Variants in CPA6 observed in about 807,000 individuals in gnomAD.
The protein encoded by CPA6 is carboxypeptidase B.
In CPA6, 58 loss-of-function variants were observed where a neutral mutation model predicts 63.3. That is an observed-to-expected ratio of 0.92 (90% CI 0.74 to 1.14). The LOEUF is 1.14. CPA6 is among the 50% of genes most tolerant of loss of function. The pLI, the probability that CPA6 is intolerant of heterozygous loss-of-function variation, is 0.00. For missense variants in CPA6, 565 were observed against 526.6 expected (o/e 1.07, Z -0.71); for synonymous variants, 185 against 179.0 (o/e 1.03, Z -0.27).
chr8:67,704,589 G>A (rs540275048), intron 1 of CPA6, among the ~76,000 whole-genome samples: 1 of 152,142 alleles, frequency 6.6e-6, no homozygotes, highest in Non-Finnish European at 1.5e-5. Flanking sequence ...CAAGGTTAGG[G>A]GTACCTGGTA....
At chr8:67,453,087 TGAGGATGGA>T (rs1810590104) in intron 8 of CPA6, among the ~76,000 whole-genome samples, 1 of 152,110 alleles carries the variant, frequency 6.6e-6, no homozygotes, top group Admixed American at 6.6e-5. Flanking sequence ...TCATGGTGGC[TGAGGATGGA>T]GAGTGTGTGT....
chr8:67,574,797 G>GA (rs1176086118), intron 2 of CPA6, among the ~76,000 whole-genome samples: 1 of 149,546 alleles, frequency 6.7e-6, no homozygotes, highest in African/African-American at 2.4e-5. Context: ...AAACATAGGG[G>GA]AAAAAACTAC....
chr8:67,471,145 C>T (rs1339925477), intron 8 of CPA6, among the ~76,000 whole-genome samples: 1 of 152,184 alleles, frequency 6.6e-6, no homozygotes, highest in Non-Finnish European at 1.5e-5. Flanking sequence ...CCTGGCTCTT[C>T]CTGAAACCCA....
At chr8:67,470,761 A>T (rs539942922) in intron 8 of CPA6, among the ~76,000 whole-genome samples, 1 of 152,292 alleles carries the variant, frequency 6.6e-6, no homozygotes, top group African/African-American at 2.4e-5. Flanking sequence ...AATTCTTCAC[A>T]TAATAAAGGT....
chr8:67,651,652 T>C (rs1815840261), intron 1 of CPA6, among the ~76,000 whole-genome samples: 2 of 152,120 alleles, frequency 1.3e-5, no homozygotes, highest in South Asian at 4.1e-4. Flanking sequence ...CATTTCCTAT[T>C]CAAGGAACAT....
In CPA6 at chr8:67,422,290, T is replaced by C. The variant is rs1809780015; in HGVS notation, c.*214A>G. On this transcript the variant is annotated 3_prime_UTR_variant, in exon 11 of 11. Coordinates refer to ENST00000297770, the MANE Select transcript of CPA6 (RefSeq NM_020361.5). The stretch of plus-strand genomic sequence containing the variant: ...ATAATCAAATAAGACTCTAAAAGGA[T>C]AGAAAATGGATGCTTTTTCTTATAA... 1 of 428,176 alleles carries C rather than the reference T, an allele frequency of 2.3e-6. No homozygotes were observed. 26.5% of individuals were successfully genotyped at this position (428,176 alleles called of 1,614,324 possible).
At chr8:67,429,258 C>G (rs1157131153) in intron 9 of CPA6, among the ~76,000 whole-genome samples, 2 of 152,114 alleles carry the variant, frequency 1.3e-5, no homozygotes, top group South Asian at 4.1e-4. Flanking sequence ...GATATTCTAA[C>G]ATGAACTAGA....
chr8:67,459,833 T>C (rs1810759975), intron 8 of CPA6, among the ~76,000 whole-genome samples: 1 of 152,200 alleles, frequency 6.6e-6, no homozygotes, highest in Non-Finnish European at 1.5e-5. Context: ...CTATGAACTT[T>C]GGGTAATGAT....
chr8:67,553,588 C>T (rs9657088), intron 2 of CPA6, among the ~76,000 whole-genome samples: 63,676 of 151,952 alleles, frequency 0.42, 15,705 homozygotes, highest in Non-Finnish European at 0.55. Context: ...TTCCTCACAG[C>T]CACTTCAATA....
chr8:67,548,996 T>A (rs1812883316), intron 2 of CPA6, among the ~76,000 whole-genome samples: 1 of 151,998 alleles, frequency 6.6e-6, no homozygotes, highest in South Asian at 2.1e-4. Flanking sequence ...AATTTACAGC[T>A]GTCTGAAATT....
intron 2 of CPA6, among the ~76,000 whole-genome samples, chr8:67,549,885 C>T (rs991562923): frequency 6.6e-6 from 1 of 152,154 alleles, no homozygotes; most frequent in Non-Finnish European, 1.5e-5. Context: ...TCCATTATTC[C>T]ATCAATGGAC....
At chr8:67,607,072 GTCT>G (rs764912056) in intron 2 of CPA6, among the ~76,000 whole-genome samples, 93 of 149,900 alleles carry the variant, frequency 6.2e-4, no homozygotes, top group Non-Finnish European at 1.2e-3. Context: ...TCTCAAATCT[GTCT>G]TCTTCTTCTT....
intron 3 of CPA6, among the ~76,000 whole-genome samples, chr8:67,513,274 C>T (rs1812078421): frequency 6.6e-6 from 1 of 152,102 alleles, no homozygotes; most frequent in African/African-American, 2.4e-5. Flanking sequence ...TACAATATTG[C>T]TAAAGTAAGT....
chr8:67,499,255 C>T (rs1230065899), intron 6 of CPA6, among the ~76,000 whole-genome samples: 1 of 152,084 alleles, frequency 6.6e-6, no homozygotes, highest in African/African-American at 2.4e-5. Context: ...GCCAGAGCCC[C>T]CCTTGATACT....
intron 8 of CPA6, among the ~76,000 whole-genome samples, chr8:67,446,099 C>A (rs1193052758): frequency 6.6e-6 from 1 of 151,962 alleles, no homozygotes; most frequent in East Asian, 1.9e-4. Context: ...CCTGTCTCTA[C>A]TAAAAAAATA....
At chr8:67,466,979 T>C (rs1810941130) in intron 8 of CPA6, among the ~76,000 whole-genome samples, 1 of 152,218 alleles carries the variant, frequency 6.6e-6, no homozygotes, top group Non-Finnish European at 1.5e-5. Context: ...TTAGGCTCAA[T>C]AATATACATT....
Position 67,422,316 on chromosome 8 carries a change from C to T in CPA6, c.*188G>A. The stretch of plus-strand genomic sequence containing the variant: ...AGAAAATGGATGCTTTTTCTTATAA[C>T]AAACTAGGCTATGCCCTGTTTTTTA... On this transcript the variant is annotated 3_prime_UTR_variant, in exon 11 of 11. Transcript: ENST00000297770. 1 of 437,730 alleles carries T rather than the reference C, an allele frequency of 2.3e-6. No homozygotes were observed. The highest frequency in any genetic ancestry group is 3.2e-5 in the East Asian group (1 of 31,216). The allele number at this position is 437,730 out of a possible 1,614,324, so 27.1% of individuals were successfully genotyped here. A position where few individuals can be genotyped will look rare whatever the true frequency, so the allele number is the denominator to read the frequency against.
intron 1 of CPA6, among the ~76,000 whole-genome samples, chr8:67,704,303 C>T (rs7832883): frequency 0.028 from 4,207 of 152,254 alleles, 204 homozygotes; most frequent in African/African-American, 0.095. Context: ...GCGTCAAGAC[C>T]TTCAAGGTCA....
intron 9 of CPA6, among the ~76,000 whole-genome samples, chr8:67,430,732 T>C (rs1810008431): frequency 6.6e-6 from 1 of 152,188 alleles, no homozygotes; most frequent in Non-Finnish European, 1.5e-5. Context: ...TCCTGTGCAC[T>C]GCAGGGTGTT....
Sources: allele counts gnomAD v4.1 joint callset (sites outside exome capture counted in the v4.1 genomes callset), GRCh38; gene constraint gnomAD v4.1.1; transcripts MANE v1.5; gene names NCBI Gene and HGNC (gene_info 2026-07-23, HGNC 2026-07-21).